The following WWC1 variants were observed in gnomAD, a reference collection of about 807,000 sequenced individuals.
WWC1 encodes WW and C2 domain containing 1, also known as protein KIBRA.
In WWC1, 55 loss-of-function variants were observed where a neutral mutation model predicts 138.4. That is an observed-to-expected ratio of 0.40 (90% confidence interval 0.32 to 0.50). The LOEUF is 0.50. Ranked by LOEUF, WWC1 falls within the 20% of genes least tolerant of loss-of-function variation. WWC1 has a pLI of 0.72. For synonymous variants in WWC1, 524 were observed against 564.9 expected, an observed-to-expected ratio of 0.93 and a Z score of 1.03; for missense variants, 1,226 against 1,420.4, an observed-to-expected ratio of 0.86 and a Z score of 2.20.
At chr5:168,358,389 G>A (rs989265604) in intron 1 of WWC1, among the ~76,000 whole-genome samples, 41 of 152,204 alleles carry the variant, frequency 2.7e-4, no homozygotes, top group Admixed American at 2.0e-3. Context: ...CTCTGGCTGC[G>A]TGACCCCAAA....
intron 1 of WWC1, among the ~76,000 whole-genome samples, chr5:168,368,361 C>T (rs1196785689): frequency 6.6e-6 from 1 of 152,208 alleles, no homozygotes; most frequent in African/African-American, 2.4e-5. Context: ...GATTCTGTAG[C>T]TTGGATGCAC....
At chr5:168,339,733 A>G (rs529912724) in intron 1 of WWC1, among the ~76,000 whole-genome samples, 1 of 152,230 alleles carries the variant, frequency 6.6e-6, no homozygotes, top group Non-Finnish European at 1.5e-5. Flanking sequence ...TAGGTAACAA[A>G]CACTTGACAG....
chr5:168,426,917 G>T (rs1465063198), intron 11 of WWC1, among the ~76,000 whole-genome samples: 5 of 152,242 alleles, frequency 3.3e-5, no homozygotes, highest in Non-Finnish European at 7.3e-5. Flanking sequence ...TCTGAACATG[G>T]CAATGGGCCT....
intron 2 of WWC1, among the ~76,000 whole-genome samples, chr5:168,379,264 A>G (rs1384432818): frequency 2.0e-5 from 3 of 152,180 alleles, no homozygotes; most frequent in African/African-American, 4.8e-5. Flanking sequence ...AGATGATCTC[A>G]AAGGGCCTGC....
intron 9 of WWC1, among the ~76,000 whole-genome samples, chr5:168,419,096 C>T (rs1398954379): frequency 6.6e-6 from 1 of 152,214 alleles, no homozygotes; most frequent in Non-Finnish European, 1.5e-5. Flanking sequence ...CTGGTCTTTA[C>T]TGCAGGGCGT....
At position 168,294,661 on chromosome 5, in the gene WWC1, C is replaced by G. The variant is rs554276204; in HGVS notation, c.119+2390C>G. On this transcript the variant is annotated intron_variant, in intron 1 of 22. Coordinates refer to ENST00000265293, the MANE Select transcript of WWC1 (RefSeq NM_015238.3). ...TGTTTTTTGGAGACAGAGTCTCGCT[C>G]TGTCGCCCAGGCTGGAGTCCAGTGG... is the stretch of plus-strand genomic sequence containing the variant. 3.9e-5 allele frequency among the ~76,000 whole-genome samples: 6 copies of G among 152,242 alleles called. No individual in the cohort carries two copies. In the South Asian group the frequency reaches 6.2e-4, roughly 16 times the overall value.
At chr5:168,335,664 A>G (rs1441858881) in intron 1 of WWC1, among the ~76,000 whole-genome samples, 1 of 152,210 alleles carries the variant, frequency 6.6e-6, no homozygotes, top group Non-Finnish European at 1.5e-5. Context: ...ATGGAGATCC[A>G]TCTATCTAGT....
intron 9 of WWC1, chr5:168,415,407 A>AC (rs1415155294): frequency 5.9e-5 from 9 of 152,128 alleles, no homozygotes; most frequent in Non-Finnish European, 1.2e-4. Context: ...CCTAAAAGCC[A>AC]CCGGTTTACA....
At chr5:168,367,244 T>C (rs1221149475) in intron 1 of WWC1, among the ~76,000 whole-genome samples, 2 of 152,192 alleles carry the variant, frequency 1.3e-5, no homozygotes, top group Non-Finnish European at 2.9e-5. Flanking sequence ...GTCCCTCTTG[T>C]CTCATTTCAC....
intron 8 of WWC1, chr5:168,410,306 A>G: frequency 5.9e-6 from 2 of 337,298 alleles, no homozygotes; most frequent in Non-Finnish European, 1.1e-5. Context: ...ATGATCCTGT[A>G]AGCATTTTGG....
At chr5:168,442,673 C>T (rs965637984) in intron 16 of WWC1, among the ~76,000 whole-genome samples, 7 of 151,304 alleles carry the variant, frequency 4.6e-5, no homozygotes, top group Admixed American at 4.6e-4. Context: ...CCTGTCTCTA[C>T]TAAAATTCTA....
Position 168,355,506 on chromosome 5 carries a change from A to C in WWC1, c.120-15918A>C, listed in dbSNP as rs967225085. Among the ~76,000 whole-genome samples, 44 of 151,294 alleles carry C rather than the reference A, an allele frequency of 2.9e-4. 1 individual carries two copies. Among genetic ancestry groups the C allele is most frequent in the Non-Finnish European group, 4.0e-4 (27 of 67,754 alleles). On this transcript the variant is annotated intron_variant, in intron 1 of 22. Coordinates refer to ENST00000265293, the MANE Select transcript of WWC1 (RefSeq NM_015238.3). ...TGAGACTCCGTCTCAAAAAAAAAAA[A>C]AAAAAAAAAAAAACAGCATTTCAAC...
At chr5:168,306,050 T>G (rs1285297998) in intron 1 of WWC1, among the ~76,000 whole-genome samples, 3 of 152,102 alleles carry the variant, frequency 2.0e-5, no homozygotes, top group Admixed American at 1.3e-4. Context: ...CTTGGAAAAA[T>G]TGAGATGATT....
chr5:168,324,536 A>AGCTC (rs1772377480), intron 1 of WWC1, among the ~76,000 whole-genome samples: 1 of 152,220 alleles, frequency 6.6e-6, no homozygotes, highest in African/African-American at 2.4e-5. Context: ...GAAAAAACTA[A>AGCTC]AAATTTCTTC....
intron 1 of WWC1, among the ~76,000 whole-genome samples, chr5:168,357,128 G>A (rs1310356194): frequency 6.6e-6 from 1 of 152,094 alleles, no homozygotes; most frequent in East Asian, 1.9e-4. Flanking sequence ...TTGGAAAGTA[G>A]AGGGCCTAGC....
At chr5:168,424,868 A>G (rs549558326) in intron 11 of WWC1, among the ~76,000 whole-genome samples, 1 of 152,378 alleles carries the variant, frequency 6.6e-6, no homozygotes, top group South Asian at 2.1e-4. Context: ...GGGGTCAGAA[A>G]GAACATTTTG....
intron 3 of WWC1, among the ~76,000 whole-genome samples, chr5:168,390,424 T>C (rs569998319): frequency 6.6e-6 from 1 of 152,262 alleles, no homozygotes; most frequent in South Asian, 2.1e-4. Flanking sequence ...TCCCAAGAGC[T>C]CCACTGGCCT....
chr5:168,453,061 C>CA (rs904798448), intron 17 of WWC1, among the ~76,000 whole-genome samples: 3 of 152,076 alleles, frequency 2.0e-5, no homozygotes, highest in Non-Finnish European at 4.4e-5. Flanking sequence ...TCTGTCTCTA[C>CA]AAAAAATAGG....
intron 1 of WWC1, among the ~76,000 whole-genome samples, chr5:168,363,481 C>T (rs1380818933): frequency 1.9e-4 from 28 of 145,382 alleles, no homozygotes; most frequent in Admixed American, 1.3e-3. Flanking sequence ...GCTTAGATCA[C>T]GCCACTGTAC....
Sources: allele counts gnomAD v4.1 joint callset (sites outside exome capture counted in the v4.1 genomes callset), GRCh38; gene constraint gnomAD v4.1.1; transcripts MANE v1.5; gene names NCBI Gene and HGNC (gene_info 2026-07-23, HGNC 2026-07-21).